The following TTC8 variants were observed in gnomAD, a reference collection of about 807,000 sequenced individuals.
TTC8 encodes tetratricopeptide repeat protein 8.
In TTC8, 47 loss-of-function variants were observed where a neutral mutation model predicts 72.5. The ratio of observed to expected loss-of-function variants is 0.65; its 90% confidence interval spans 0.51 to 0.83. The LOEUF is 0.83. Among genes scored for constraint, TTC8 ranks in the 40% least tolerant of loss-of-function variants. The pLI is 0.00. For synonymous variants in TTC8, 199 were observed against 221.4 expected (o/e 0.90, Z 0.90); for missense variants, 611 against 623.2 (o/e 0.98, Z 0.21).
intron 7 of TTC8, chr14:88,846,465 T>A (rs962406801): frequency 7.6e-6 from 4 of 524,404 alleles, no homozygotes; most frequent in African/African-American, 2.0e-5. Context: ...GCTTGGGTTG[T>A]TTAAGGAACA....
intron 3 of TTC8, 91 bp downstream of exon 3, chr14:88,839,663 A>G: frequency 7.2e-7 from 1 of 1,380,918 alleles, no homozygotes; most frequent in Middle Eastern, 1.9e-4. Flanking sequence ...ATATATTTCT[A>G]CACTTTATAT....
At chr14:88,865,685 A>G (rs1266745157) in intron 10 of TTC8, among the ~76,000 whole-genome samples, 1 of 152,068 alleles carries the variant, frequency 6.6e-6, no homozygotes, top group African/African-American at 2.4e-5. Flanking sequence ...AAAAATAAAA[A>G]TAATAATAAT....
intron 13 of TTC8, 75 bp from the exon 14 acceptor site, chr14:88,874,949 CAA>C (rs10607562): frequency 0.051 from 50,741 of 999,512 alleles, 5,550 homozygotes; most frequent in African/African-American, 0.32. Context: ...ATTCTTTTAC[CAA>C]AAAAAAAACA....
At chr14:88,827,806 AT>A (rs2094708353) in intron 1 of TTC8, among the ~76,000 whole-genome samples, 1 of 152,202 alleles carries the variant, frequency 6.6e-6, no homozygotes, top group African/African-American at 2.4e-5. Context: ...TGTTGATGCA[AT>A]TAAAGAAGAG....
chr14:88,866,382 A>AACACACACACAC (rs10553603), intron 10 of TTC8, among the ~76,000 whole-genome samples: 60 of 146,670 alleles, frequency 4.1e-4, no homozygotes, highest in African/African-American at 1.4e-3. Flanking sequence ...GGGAGATTTA[A>AACACACACACAC]ACACACACAC....
chr14:88,875,709 TATAA>T (rs1595993227), intron 14 of TTC8, among the ~76,000 whole-genome samples: 1 of 152,342 alleles, frequency 6.6e-6, no homozygotes, highest in East Asian at 1.9e-4. Context: ...ATATTTGTGA[TATAA>T]ATTAGGGTCT....
chr14:88,861,228 G>T lies in TTC8; in HGVS notation c.805G>T (p.Val269Phe). 6.2e-7 allele frequency: 1 copy of T among 1,609,200 alleles called. No individual in the cohort carries two copies. Among genetic ancestry groups the T allele is most frequent in the Non-Finnish European group, 8.5e-7 (1 of 1,176,374 alleles). The change falls in exon 10 of 15, where the codon GTC (valine) becomes TTC (phenylalanine). Residue 269 changes from valine to phenylalanine, a missense_variant. Transcript: ENST00000380656. ...DTFLYLAKVY[V>F]SLDQPVTALN... is the part of the protein sequence containing the mutation. ...AAATGTATCTTGTTTTTAGGTTTAT[G>T]TCTCATTGGATCAACCTGTGACTGC...
chr14:88,838,016 A>G (rs1357628416), intron 2 of TTC8, among the ~76,000 whole-genome samples: 1 of 152,232 alleles, frequency 6.6e-6, no homozygotes, highest in Non-Finnish European at 1.5e-5. Context: ...CTCAACCAGA[A>G]AAGTGCAAGC....
At chr14:88,835,853 A>G (rs974741752) in intron 2 of TTC8, among the ~76,000 whole-genome samples, 9 of 152,108 alleles carry the variant, frequency 5.9e-5, no homozygotes, top group Admixed American at 5.9e-4. Flanking sequence ...AAAAAAAATT[A>G]TTATTTTTTT....
In TTC8 at chr14:88,870,153, A is replaced by C. The variant is rs2094927881; in HGVS notation, c.1004A>C (p.Asn335Thr). 1 of 1,614,158 alleles carries C rather than the reference A, an allele frequency of 6.2e-7. No homozygotes were observed. Among genetic ancestry groups the C allele is most frequent in the African/African-American group, 1.3e-5 (1 of 75,072 alleles). The change falls in exon 11 of 15, where the codon AAC becomes ACC. Residue 335 changes from asparagine to threonine, a missense_variant. Physicochemically the swap from Asn to Thr is moderately conservative, Grantham distance 65 (BLOSUM62 0). Transcript: ENST00000380656. Reference protein sequence around the residue: ...HVEAIACIGSNHFYSDQPEIA... With the variant: ...HVEAIACIGSTHFYSDQPEIA... ...GAAGCCATCGCATGCATTGGAAGCA[A>C]CCACTTCTATTCTGATCAGCCAGAA...
chr14:88,831,759 T>C (rs1187948297), intron 1 of TTC8, among the ~76,000 whole-genome samples: 2 of 152,218 alleles, frequency 1.3e-5, no homozygotes, highest in Non-Finnish European at 2.9e-5. Context: ...TGAAAAGCAT[T>C]TTTGAGGAAG....
At chr14:88,854,047 T>C (rs562938556) in intron 8 of TTC8, among the ~76,000 whole-genome samples, 1 of 152,312 alleles carries the variant, frequency 6.6e-6, no homozygotes, top group Admixed American at 6.5e-5. Context: ...TTAAGACTAC[T>C]TTCCATTTAG....
In TTC8 at chr14:88,843,860, G is replaced by T; in HGVS notation, c.624+10G>T. ...AAATGATGTTAAGACTGTAAGTTTT[G>T]AATTCATGCTATTTTCTTTTATTGT... is the stretch of plus-strand genomic sequence containing the variant. On this transcript the variant is annotated intron_variant, in intron 7 of 14. Coordinates refer to ENST00000380656, the MANE Select transcript of TTC8 (RefSeq NM_144596.4). The T allele has an allele frequency of 6.4e-7, 1 of 1,559,922 alleles. No homozygotes were observed. Among genetic ancestry groups the T allele is most frequent in the South Asian group, 1.2e-5 (1 of 86,858 alleles).
intron 8 of TTC8, among the ~76,000 whole-genome samples, chr14:88,854,659 C>T (rs2094848198): frequency 6.6e-6 from 1 of 151,986 alleles, no homozygotes; most frequent in Non-Finnish European, 1.5e-5. Flanking sequence ...ATACACATAG[C>T]CTGAAGGTAA....
chr14:88,854,527 T>C (rs1470221240), intron 8 of TTC8, among the ~76,000 whole-genome samples: 3 of 152,190 alleles, frequency 2.0e-5, no homozygotes, highest in Admixed American at 6.6e-5. Context: ...GTATTTCTTA[T>C]CTGAAATGCT....
rs1440569826 is a variant in TTC8, at chr14:88,877,295, T to C, written c.1433T>C (p.Ile478Thr). 6.2e-7 allele frequency: 1 copy of C among 1,612,856 alleles called. No homozygotes were observed. The highest frequency in any genetic ancestry group is 8.5e-7 in the Non-Finnish European group (1 of 1,179,168). ...HFNFATISDK[I>T]GDLQRSYVAA... Reference sequence around the variant, plus strand: ...GTCTTATTCTTGTATTTTTTGCAGATTGGAGATCTGCAGAGAAGCTATGTT... The same window carrying C: ...GTCTTATTCTTGTATTTTTTGCAGACTGGAGATCTGCAGAGAAGCTATGTT... Residue 478 changes from isoleucine to threonine, a missense_variant and splice_region_variant, in exon 15 of 15, where the codon ATT (isoleucine) becomes ACT (threonine). Ile to Thr is a moderately conservative substitution (Grantham distance 89). Coordinates refer to ENST00000380656, the MANE Select transcript of TTC8 (RefSeq NM_144596.4).
At chr14:88,828,950 T>C (rs1256555695) in intron 1 of TTC8, among the ~76,000 whole-genome samples, 1 of 152,244 alleles carries the variant, frequency 6.6e-6, no homozygotes, top group Non-Finnish European at 1.5e-5. Context: ...AGAGGTATGA[T>C]GTACTATGCA....
chr14:88,857,334 T>C lies in TTC8; in HGVS notation c.798+57T>C, dbSNP rs1038635759. On this transcript the variant is annotated intron_variant, in intron 9 of 14. Coordinates refer to ENST00000380656, the MANE Select transcript of TTC8 (RefSeq NM_144596.4). ...CTTCTCAGAATAAATGTTTAAATTC[T>C]GGCCATTGCATGGGGAGAGTAAACA... The C allele has an allele frequency of 2.1e-6, 3 of 1,448,738 alleles. No homozygotes were observed. The African/African-American group carries it at 4.2e-5, about 20-fold the overall frequency. The allele number at this position is 1,448,738 out of a possible 1,614,324, so 89.7% of individuals were successfully genotyped here. A position where few individuals can be genotyped will look rare whatever the true frequency, so the allele number is the denominator to read the frequency against.
intron 7 of TTC8, among the ~76,000 whole-genome samples, chr14:88,848,644 A>C (rs535026958): frequency 1.3e-5 from 2 of 152,286 alleles, no homozygotes; most frequent in African/African-American, 4.8e-5. Flanking sequence ...CATAATTATA[A>C]ACACTAGGCA....
Sources: allele counts gnomAD v4.1 joint callset (sites outside exome capture counted in the v4.1 genomes callset), GRCh38; gene constraint gnomAD v4.1.1; transcripts MANE v1.5; gene names NCBI Gene and HGNC (gene_info 2026-07-23, HGNC 2026-07-21).